The following PAX2 variants were observed in gnomAD, a reference collection of about 807,000 sequenced individuals.
The protein encoded by PAX2 is paired box protein Pax-2.
A neutral mutation model predicts 41.7 loss-of-function variants in PAX2; 9 were observed. That is an observed-to-expected ratio of 0.22 (90% CI 0.13 to 0.38). PAX2 has a LOEUF of 0.38. PAX2 is among the 10% of genes least tolerant of loss of function. PAX2 has a pLI of 1.00. For synonymous variants in PAX2, 221 were observed against 212.7 expected (o/e 1.04, Z -0.34); for missense variants, 418 against 531.6 (o/e 0.79, Z 2.10).
intron 5 of PAX2, among the ~76,000 whole-genome samples, chr10:100,798,402 C>T (rs1311262177): frequency 6.6e-6 from 1 of 152,090 alleles, no homozygotes; most frequent in Non-Finnish European, 1.5e-5. Context: ...AGGAGTGAGC[C>T]ACTGCACCCG....
chr10:100,774,825 C>T (rs893564144), intron 3 of PAX2, among the ~76,000 whole-genome samples: 3 of 152,162 alleles, frequency 2.0e-5, no homozygotes, highest in Admixed American at 6.5e-5. Flanking sequence ...GCCGGGATTC[C>T]GACTAAGGCA....
intron 3 of PAX2, among the ~76,000 whole-genome samples, chr10:100,758,435 C>G (rs754875171): frequency 6.6e-6 from 1 of 151,740 alleles, no homozygotes; most frequent in African/African-American, 2.4e-5. Flanking sequence ...CCACCGCGCC[C>G]GGCCGTCAGG....
At chr10:100,754,934 C>T (rs1362835181) in intron 3 of PAX2, among the ~76,000 whole-genome samples, 1 of 152,108 alleles carries the variant, frequency 6.6e-6, no homozygotes, top group African/African-American at 2.4e-5. Context: ...TTGGAGAGTT[C>T]AGAAAAAGAC....
In PAX2 at chr10:100,795,478, T is replaced by A. The variant is rs1379711818; in HGVS notation, c.617-10952T>A. ...TAGGGAAGTGTTTATGAGGGAGGTA[T>A]TTGATCTAAGCGTTGATATGGAGTA... On this transcript the variant is annotated intron_variant, in intron 5 of 9. Transcript: ENST00000355243. 3.3e-5 allele frequency among the ~76,000 whole-genome samples: 5 copies of A among 152,212 alleles called. No individual in the cohort carries two copies. In the East Asian group the frequency reaches 9.6e-4, roughly 29 times the overall value.
At chr10:100,818,860 A>G (rs2133974290) in intron 7 of PAX2, among the ~76,000 whole-genome samples, 1 of 152,346 alleles carries the variant, frequency 6.6e-6, no homozygotes, top group South Asian at 2.1e-4. Context: ...TCCCAAGTAT[A>G]CAGCCTGTTC....
At chr10:100,821,521 T>C (rs752944712) in intron 7 of PAX2, among the ~76,000 whole-genome samples, 1 of 152,254 alleles carries the variant, frequency 6.6e-6, no homozygotes, top group Non-Finnish European at 1.5e-5. Flanking sequence ...GCAATGTGCC[T>C]TTCAATCAGC....
intron 3 of PAX2, among the ~76,000 whole-genome samples, chr10:100,751,815 C>T (rs1845453872): frequency 6.6e-6 from 1 of 152,192 alleles, no homozygotes; most frequent in Non-Finnish European, 1.5e-5. Context: ...GATCACAGAA[C>T]TGTACAAACT....
In PAX2 at chr10:100,824,393, CACAA is replaced by C. The variant is rs1264994987; in HGVS notation, c.920-253_920-250del. Among the ~76,000 whole-genome samples the C allele has an allele frequency of 4.7e-5, 7 of 148,400 alleles. No individual in the cohort carries two copies. In the East Asian group the frequency reaches 9.8e-4, roughly 21 times the overall value. On this transcript the variant is annotated intron_variant, in intron 7 of 9. Transcript: ENST00000355243. The surrounding 1 kb of genome is among the most constrained non-coding windows in gnomAD (Gnocchi z 6.6). ...ACACACACACACACACACACACACACACAAATACACAGAGACACAAAGAGCTACA... is the reference window on the plus strand; with the variant it reads ...ACACACACACACACACACACACACACATACACAGAGACACAAAGAGCTACA...
chr10:100,740,035 C>G (rs1000823837), intron 1 of PAX2, among the ~76,000 whole-genome samples: 3 of 152,206 alleles, frequency 2.0e-5, no homozygotes, highest in African/African-American at 7.2e-5. Context: ...TCCTGTCTCT[C>G]CCTCCTTCGA....
chr10:100,776,368 C>G (rs1294112661), intron 3 of PAX2, among the ~76,000 whole-genome samples: 1 of 152,210 alleles, frequency 6.6e-6, no homozygotes, highest in African/African-American at 2.4e-5. Flanking sequence ...TCTTCTTGTT[C>G]CTAATTCCCT....
At chr10:100,792,627 CTG>C (rs1847168793) in intron 5 of PAX2, among the ~76,000 whole-genome samples, 1 of 152,228 alleles carries the variant, frequency 6.6e-6, no homozygotes, top group Admixed American at 6.5e-5. Flanking sequence ...AAATTGCTGA[CTG>C]TGGAGGACGC....
intron 5 of PAX2, 129 bp downstream of exon 5, chr10:100,781,494 C>T: frequency 1.0e-6 from 1 of 973,888 alleles, no homozygotes; most frequent in South Asian, 1.3e-5. Context: ...CCCAGGTCCC[C>T]CCACTGCCCT....
At chr10:100,819,384 C>T (rs958232171) in intron 7 of PAX2, among the ~76,000 whole-genome samples, 2 of 152,162 alleles carry the variant, frequency 1.3e-5, no homozygotes, top group Middle Eastern at 3.4e-3. Context: ...GCCTGGCCAA[C>T]ATAGTGAAAC....
intron 3 of PAX2, among the ~76,000 whole-genome samples, chr10:100,753,286 C>G (rs1845510095): frequency 6.6e-6 from 1 of 152,170 alleles, no homozygotes; most frequent in South Asian, 2.1e-4. Context: ...CTGGGGGCTT[C>G]CCTGTGTGCT....
At chr10:100,781,668 G>C (rs1260771391) in intron 5 of PAX2, among the ~76,000 whole-genome samples, 5 of 152,236 alleles carry the variant, frequency 3.3e-5, no homozygotes, top group African/African-American at 1.2e-4. Context: ...AGGTTTTGGA[G>C]TTGGGGGAAC....
chr10:100,803,768 C>T (rs570828510), intron 5 of PAX2, among the ~76,000 whole-genome samples: 4 of 152,148 alleles, frequency 2.6e-5, no homozygotes, highest in East Asian at 3.9e-4. Flanking sequence ...TCTGCTTCCC[C>T]GCCTCCCACT....
At chr10:100,747,490 TAA>T in intron 1 of PAX2, 3 of 325,530 alleles carry the variant, frequency 9.2e-6, no homozygotes, top group Non-Finnish European at 1.3e-5. Context: ...CTTTTTTTTT[TAA>T]AAGCTAAAAT....
At chr10:100,755,211 G>T (rs758502893) in intron 3 of PAX2, among the ~76,000 whole-genome samples, 2 of 152,174 alleles carry the variant, frequency 1.3e-5, no homozygotes, top group African/African-American at 4.8e-5. Flanking sequence ...TGTTTTTGTA[G>T]TTGTTTTAGC....
chr10:100,752,833 G>A lies in PAX2; in HGVS notation c.410+1942G>A, dbSNP rs551936872. Among the ~76,000 whole-genome samples the A allele has an allele frequency of 4.8e-4, 73 of 152,298 alleles. 1 individual carries two copies. In the South Asian group the frequency reaches 0.014, roughly 29 times the overall value. ...ATTTTGGAAGCTGGCTTAGGCATAA[G>A]TTTGGAAATACTTCTATCCTGAAAA... is the stretch of plus-strand genomic sequence containing the variant. On this transcript the variant is annotated intron_variant, in intron 3 of 9. Transcript: ENST00000355243.
Sources: allele counts gnomAD v4.1 joint callset (sites outside exome capture counted in the v4.1 genomes callset), GRCh38; gene constraint gnomAD v4.1.1; non-coding constraint Gnocchi (gnomAD v3.1); transcripts MANE v1.5; gene names NCBI Gene and HGNC (gene_info 2026-07-23, HGNC 2026-07-21).